Variants in SLC38A4 observed in about 807,000 individuals in gnomAD.
SLC38A4 encodes the protein solute carrier family 38 member 4, also known as sodium-coupled neutral amino acid transporter 4.
SLC38A4 carries 20 observed loss-of-function variants against 63.1 expected under a neutral mutation model. The ratio of observed to expected loss-of-function variants is 0.32; its 90% CI spans 0.22 to 0.46. The LOEUF is 0.46. Ranked by LOEUF, SLC38A4 falls within the 20% of genes least tolerant of loss-of-function variation. The pLI is 1.00. For missense variants in SLC38A4, 526 were observed against 663.6 expected, an observed-to-expected ratio of 0.79 and a Z score of 2.28; for synonymous variants, 230 against 225.5, an observed-to-expected ratio of 1.02 and a Z score of -0.18.
intron 1 of SLC38A4, among the ~76,000 whole-genome samples, chr12:46,831,233 C>T (rs1057432289): frequency 6.6e-6 from 1 of 152,202 alleles, no homozygotes; most frequent in Admixed American, 6.5e-5. Flanking sequence ...CCTGGGCGCA[C>T]AGCTGGTGTG....
intron 10 of SLC38A4, among the ~76,000 whole-genome samples, chr12:46,779,334 A>T (rs1938592783): frequency 2.0e-5 from 3 of 151,882 alleles, no homozygotes; most frequent in African/African-American, 4.8e-5. Flanking sequence ...TAAATGCCAG[A>T]TTATTGTCAT....
At chr12:46,787,835 C>A in intron 5 of SLC38A4, 81 bp downstream of exon 5, 2 of 1,008,118 alleles carry the variant, frequency 2.0e-6, no homozygotes, top group South Asian at 1.6e-5. Flanking sequence ...TCACAAAGAT[C>A]AAACTTGAGA....
At chr12:46,781,954 A>G (rs887594695) in intron 7 of SLC38A4, among the ~76,000 whole-genome samples, 9 of 152,092 alleles carry the variant, frequency 5.9e-5, no homozygotes, top group African/African-American at 2.2e-4. Context: ...TTTGAAACAA[A>G]TGTAAAGTGG....
chr12:46,770,907 T>C (rs1007429217), intron 14 of SLC38A4, among the ~76,000 whole-genome samples: 7 of 152,112 alleles, frequency 4.6e-5, no homozygotes, highest in African/African-American at 1.4e-4. Context: ...ATGTAAAATA[T>C]ATTTTGAAAC....
At chr12:46,777,324 A>C (rs368785158) in intron 12 of SLC38A4, among the ~76,000 whole-genome samples, 10 of 152,040 alleles carry the variant, frequency 6.6e-5, no homozygotes, top group African/African-American at 2.2e-4. Context: ...CTAACATAGA[A>C]AGCTTTTGCA....
Position 46,784,580 on chromosome 12 carries a change from A to G in SLC38A4, c.455T>C (p.Ile152Thr). ...CATTGTAATGGAAACAAAAGCTCCAATTTTTCCCGGCCATCCAAATGCCTT... is the reference window on the plus strand; with the variant it reads ...CATTGTAATGGAAACAAAAGCTCCAGTTTTTCCCGGCCATCCAAATGCCTT... ...GEKAFGWPGK[I>T]GAFVSITMQN... Residue 152 changes from isoleucine (I) to threonine (T), a missense_variant, in exon 7 of 17, where the codon ATT becomes ACT. Ile to Thr is a moderately conservative substitution (Grantham distance 89). Coordinates refer to ENST00000266579, the MANE Select transcript of SLC38A4 (RefSeq NM_018018.5). 5 of 1,612,942 alleles carry G rather than the reference A, an allele frequency of 3.1e-6. No individual in the cohort carries two copies. The highest frequency in any genetic ancestry group is 4.2e-6 in the Non-Finnish European group (5 of 1,179,384).
At chr12:46,777,937 T>A (rs998302689) in intron 12 of SLC38A4, among the ~76,000 whole-genome samples, 1 of 151,978 alleles carries the variant, frequency 6.6e-6, no homozygotes, top group Admixed American at 6.6e-5. Context: ...TAAGTTTTGG[T>A]CGTCATGGGT....
chr12:46,832,177 C>T (rs1489222936), intron 1 of SLC38A4: 1 of 152,034 alleles, frequency 6.6e-6, no homozygotes. Context: ...CAGACATAAG[C>T]CCCAGATGAT....
In SLC38A4 at chr12:46,775,753, A is replaced by T. The variant is rs1565663880; in HGVS notation, c.1175-580T>A. Among the ~76,000 whole-genome samples, 3 of 152,044 alleles carry T rather than the reference A, an allele frequency of 2.0e-5. No individual in the cohort carries two copies. The South Asian group carries it at 6.2e-4, about 31-fold the overall frequency. ...AAGTAACATGCAGGGATAAATTAGT[A>T]TAATTTTTAGATGGTCTCCCAGTGG... On this transcript the variant is annotated intron_variant, in intron 13 of 16. Transcript: ENST00000266579.
intron 7 of SLC38A4, among the ~76,000 whole-genome samples, chr12:46,783,922 C>T (rs1208410822): frequency 2.0e-5 from 3 of 151,686 alleles, no homozygotes. Flanking sequence ...GCAAACACAC[C>T]AACGAGAGAA....
In SLC38A4 at chr12:46,793,102, C is replaced by T; in HGVS notation, c.-31G>A. ...CTGTCAGCGCTTTCTTGTCCACACA[C>T]AAGCCCCTTCAGTGTAAATAATATA... On this transcript the variant is annotated 5_prime_UTR_variant, in exon 3 of 17. It adds an upstream start codon to the 5' untranslated region. Coordinates refer to ENST00000266579, the MANE Select transcript of SLC38A4 (RefSeq NM_018018.5). 2 of 1,489,274 alleles carry T rather than the reference C, an allele frequency of 1.3e-6. No individual in the cohort carries two copies. Among genetic ancestry groups the T allele is most frequent in the South Asian group, 1.1e-5 (1 of 88,512 alleles). 92.3% of individuals were successfully genotyped at this position (1,489,274 alleles called of 1,614,324 possible). A position where few individuals can be genotyped will look rare whatever the true frequency, so the allele number is the denominator to read the frequency against.
At chr12:46,783,231 A>T (rs1175232303) in intron 7 of SLC38A4, among the ~76,000 whole-genome samples, 2 of 89,174 alleles carry the variant, frequency 2.2e-5, no homozygotes, top group African/African-American at 1.1e-4. Context: ...GATAGATGAT[A>T]GATAGATAGA....
At chr12:46,831,915 C>T (rs1368833458) in intron 1 of SLC38A4, among the ~76,000 whole-genome samples, 1 of 152,092 alleles carries the variant, frequency 6.6e-6, no homozygotes, top group Non-Finnish European at 1.5e-5. Flanking sequence ...AATCCAACAG[C>T]CCAGGGAATC....
intron 14 of SLC38A4, among the ~76,000 whole-genome samples, chr12:46,773,907 T>C (rs1938471567): frequency 6.6e-6 from 1 of 152,092 alleles, no homozygotes; most frequent in South Asian, 2.1e-4. Context: ...GTGATTTTTT[T>C]ACACATAAAA....
At chr12:46,814,461 T>TG (rs145260710) in intron 1 of SLC38A4, among the ~76,000 whole-genome samples, 1 of 151,898 alleles carries the variant, frequency 6.6e-6, no homozygotes, top group Non-Finnish European at 1.5e-5. Context: ...CTGGCAGATT[T>TG]GGGGGGTTGG....
At chr12:46,781,483 C>T (rs118185240) in intron 7 of SLC38A4, among the ~76,000 whole-genome samples, 132 of 152,032 alleles carry the variant, frequency 8.7e-4, no homozygotes, top group Non-Finnish European at 1.8e-3. Flanking sequence ...GTTTGGTCTT[C>T]AAAAATTCAG....
chr12:46,791,598 A>G (rs1162403545), intron 3 of SLC38A4, among the ~76,000 whole-genome samples: 1 of 152,204 alleles, frequency 6.6e-6, no homozygotes, highest in Non-Finnish European at 1.5e-5. Context: ...CCTTCTGAGC[A>G]TCTTAAATCA....
In SLC38A4 at chr12:46,776,996, C is replaced by A; in HGVS notation, c.1082G>T (p.Arg361Leu). 1 of 1,610,556 alleles carries A rather than the reference C, an allele frequency of 6.2e-7. No individual in the cohort carries two copies. Among genetic ancestry groups the A allele is most frequent in the East Asian group, 2.2e-5 (1 of 44,766 alleles). ...ATTTGACACCGTTTGCATTTTTCTCCGGGACCGACTGGAAAAAGAAAGAAC... is the reference window on the plus strand; with the variant it reads ...ATTTGACACCGTTTGCATTTTTCTCAGGGACCGACTGGAAAAAGAAAGAAC... Reference protein sequence around the residue: ...PIYSELKDRSRRKMQTVSNIS... With the variant: ...PIYSELKDRSLRKMQTVSNIS... The change falls in exon 13 of 17, where the codon CGG (arginine) becomes CTG (leucine). Residue 361 changes from arginine (R) to leucine (L), a missense_variant. Arg to Leu is a moderately radical substitution (Grantham distance 102). Coordinates refer to ENST00000266579, the MANE Select transcript of SLC38A4 (RefSeq NM_018018.5).
rs145440035 is a variant in SLC38A4, at chr12:46,797,233, G to C, written c.-112-4050C>G. Among the ~76,000 whole-genome samples, 457 of 152,094 alleles carry C rather than the reference G, an allele frequency of 3.0e-3. 3 individuals are homozygous for C. Among genetic ancestry groups the C allele is most frequent in the African/African-American group, 0.01 (431 of 41,500 alleles). ...AAGATAGCAAGTAAAACTTTATTTT[G>C]GGGTGTGTCTGTGAGGGTGTTTCTG... On this transcript the variant is annotated intron_variant, in intron 2 of 16. Coordinates refer to ENST00000266579, the MANE Select transcript of SLC38A4 (RefSeq NM_018018.5).
Sources: allele counts gnomAD v4.1 joint callset (sites outside exome capture counted in the v4.1 genomes callset), GRCh38; gene constraint gnomAD v4.1.1; transcripts MANE v1.5; gene names NCBI Gene and HGNC (gene_info 2026-07-23, HGNC 2026-07-21).